Variants in USP1 observed in about 807,000 individuals in gnomAD.
USP1 encodes the protein ubiquitin specific peptidase 1.
In USP1, 18 loss-of-function variants were observed where a neutral mutation model predicts 72.2. The ratio of observed to expected loss-of-function variants is 0.25; its 90% CI spans 0.17 to 0.37. The LOEUF is 0.37. USP1 is among the 10% of genes least tolerant of loss of function. The probability of loss-of-function intolerance (pLI) is 1.00; values close to 1 mark genes in which losing one functional copy is unlikely to be tolerated. For synonymous variants in USP1, 354 were observed against 303.7 expected (o/e 1.17, Z -1.72); for missense variants, 759 against 884.9 (o/e 0.86, Z 1.81).
Position 62,451,068 on chromosome 1 carries a change from C to G in USP1, c.*87C>G. ...TTACATCAAAGAATCTTTAGCTTAT[C>G]TTTTGAAGCTACTGGATATTATTGG... On this transcript the variant is annotated 3_prime_UTR_variant, in exon 9 of 9. Transcript: ENST00000339950. The G allele has an allele frequency of 1.6e-6, 2 of 1,287,880 alleles. No homozygotes were observed. The highest frequency in any genetic ancestry group is 2.1e-6 in the Non-Finnish European group (2 of 956,558). The allele number at this position is 1,287,880 out of a possible 1,614,324, so 79.8% of individuals were successfully genotyped here.
rs199689900 is a variant in USP1, at chr1:62,445,326, G to A, written c.1146G>A (p.Leu382=). The change falls in exon 6 of 9, where the codon TTG becomes TTA. Residue 382 remains leucine, a synonymous_variant. Coordinates refer to ENST00000339950, the MANE Select transcript of USP1 (RefSeq NM_003368.5). ...ATGAATGTGATCCTGAAGAGGACTT[G>A]GGGAAGTGTGAAAGTGATAACACAA... The part of the protein sequence containing the change: ...KENECDPEED[L]GKCESDNTTN... 40 of 1,613,468 alleles carry A rather than the reference G, an allele frequency of 2.5e-5. No individual in the cohort carries two copies. In the East Asian group the frequency reaches 8.0e-4, roughly 32 times the overall value.
At chr1:62,443,806 G>A (rs1645150161) in intron 5 of USP1, among the ~76,000 whole-genome samples, 1 of 152,138 alleles carries the variant, frequency 6.6e-6, no homozygotes, top group Non-Finnish European at 1.5e-5. Flanking sequence ...AGAACTGTTG[G>A]CTAACTGGAT....
Position 62,444,868 on chromosome 1 carries a change from CCTA to C in USP1, c.692_694del (p.Thr231del), listed in dbSNP as rs1557555794. ...AGAAGTAAAAAATGTGGCAGAATTA[CCTA>C]CTAAGGTAGAAGAAATACCTCATCC... On this transcript the variant is annotated inframe_deletion, in exon 6 of 9. Coordinates refer to ENST00000339950, the MANE Select transcript of USP1 (RefSeq NM_003368.5). The C allele has an allele frequency of 6.2e-7, 1 of 1,613,294 alleles. No individual in the cohort carries two copies. The highest frequency in any genetic ancestry group is 8.5e-7 in the Non-Finnish European group (1 of 1,179,744).
rs774615323 is a variant in USP1 at position 62,444,897 on chromosome 1, G to T, written c.717G>T (p.Pro239=). ...CTAAGGTAGAAGAAATACCTCATCC[G>T]AAAGAGGAAATGAATGGTATTAACA... is the stretch of plus-strand genomic sequence containing the variant. ...LPTKVEEIPH[P]KEEMNGINSI... The change falls in exon 6 of 9, where the codon CCG becomes CCT. Residue 239 remains proline (P), a synonymous_variant. Coordinates refer to ENST00000339950, the MANE Select transcript of USP1 (RefSeq NM_003368.5). 6.2e-7 allele frequency: 1 copy of T among 1,613,596 alleles called. No homozygotes were observed.
At position 62,437,130 on chromosome 1, in the gene USP1, G is replaced by GT. The variant is rs1645093928; in HGVS notation, c.-338dup. On this transcript the variant is annotated 5_prime_UTR_variant, in exon 1 of 9. Transcript: ENST00000339950. The stretch of plus-strand genomic sequence containing the variant: ...CGTTCGGCGAGCGGGGCCGCTGCTT[G>GT]TTGCGCTCCTGGCTCTCCCGGGGCG... 7.5e-6 allele frequency: 3 copies of GT among 399,054 alleles called. No individual in the cohort carries two copies. The highest frequency in any genetic ancestry group is 1.3e-5 in the Non-Finnish European group (3 of 226,160). The allele number at this position is 399,054 out of a possible 1,614,324, so 24.7% of individuals were successfully genotyped here.
rs1270184177 is a variant in USP1 at position 62,451,321 on chromosome 1, A to G, written c.*340A>G. The stretch of plus-strand genomic sequence containing the variant: ...AAGTGCTCGTATTTGTATTCTCCAT[A>G]TTTTGGAGTAATTATCTACATGATG... On this transcript the variant is annotated 3_prime_UTR_variant, in exon 9 of 9. Coordinates refer to ENST00000339950, the MANE Select transcript of USP1 (RefSeq NM_003368.5). 5.9e-6 allele frequency: 1 copy of G among 170,690 alleles called. No individual in the cohort carries two copies. The highest frequency in any genetic ancestry group is 1.2e-5 in the Non-Finnish European group (1 of 80,554). 10.6% of individuals were successfully genotyped at this position (170,690 alleles called of 1,614,324 possible). A position where few individuals can be genotyped will look rare whatever the true frequency, so the allele number is the denominator to read the frequency against.
intron 8 of USP1, among the ~76,000 whole-genome samples, chr1:62,449,833 G>A (rs1472209957): frequency 3.3e-5 from 5 of 151,732 alleles, no homozygotes; most frequent in African/African-American, 1.2e-4. Context: ...AGCCTGAGGT[G>A]GGAGGATCAC....
chr1:62,439,114 A>G (rs1178804053), intron 1 of USP1, among the ~76,000 whole-genome samples: 2 of 152,134 alleles, frequency 1.3e-5, no homozygotes, highest in African/African-American at 4.8e-5. Context: ...ATCCTTTCCT[A>G]CCTTGTACTT....
intron 1 of USP1, among the ~76,000 whole-genome samples, chr1:62,439,039 T>C (rs970155471): frequency 4.6e-5 from 7 of 152,204 alleles, no homozygotes; most frequent in African/African-American, 1.7e-4. Flanking sequence ...TATATCCATG[T>C]TAATAACTAG....
chr1:62,450,655 T>G lies in USP1; in HGVS notation c.2032T>G (p.Tyr678Asp). The G allele has an allele frequency of 2.5e-6, 4 of 1,614,088 alleles. No individual in the cohort carries two copies. The highest frequency in any genetic ancestry group is 3.4e-6 in the Non-Finnish European group (4 of 1,180,006). The change falls in exon 9 of 9, where the codon TAT (tyrosine) becomes GAT (aspartate). Residue 678 changes from tyrosine (Y) to aspartate (D), a missense_variant. Coordinates refer to ENST00000339950, the MANE Select transcript of USP1 (RefSeq NM_003368.5). Reference protein sequence around the residue: ...LLGGQKSKADYELYNKASNPD... With the variant: ...LLGGQKSKADDELYNKASNPD... ...TGGAGGACAAAAGAGCAAAGCAGAT[T>G]ATGAGCTATACAACAAAGCCTCTAA...
At chr1:62,448,738 G>GT in intron 8 of USP1, 72 bp downstream of exon 8, 1 of 1,432,888 alleles carries the variant, frequency 7.0e-7, no homozygotes, top group South Asian at 1.2e-5. Flanking sequence ...TCAAAATGCT[G>GT]TAATAGTAGG....
chr1:62,437,981 C>T (rs1465368203), intron 1 of USP1, among the ~76,000 whole-genome samples: 4 of 152,104 alleles, frequency 2.6e-5, no homozygotes, highest in South Asian at 2.1e-4. Flanking sequence ...ATGGTCGATT[C>T]GTCGTGCTTT....
In USP1 at chr1:62,445,277, G is replaced by A; in HGVS notation, c.1097G>A (p.Gly366Glu). 6.2e-7 allele frequency: 1 copy of A among 1,613,438 alleles called. No individual in the cohort carries two copies. Among genetic ancestry groups the A allele is most frequent in the Non-Finnish European group, 8.5e-7 (1 of 1,179,834 alleles). The change falls in exon 6 of 9, where the codon GGA becomes GAA. Residue 366 changes from glycine to glutamate, a missense_variant. Gly to Glu is a moderately conservative substitution (Grantham distance 98). This residue lies in a region of USP1 where 245 missense variants were observed against 240.7 expected (regional missense o/e 1.02). Coordinates refer to ENST00000339950, the MANE Select transcript of USP1 (RefSeq NM_003368.5). ...CTGGGAAAAATAACAACAAACCAAG[G>A]AGTCAAAGGACAATCTAAAGAAAAT... The part of the protein sequence containing the change: ...CSLGKITTNQ[G>E]VKGQSKENEC...
chr1:62,440,363 T>TTATATATATA (rs150171344), intron 2 of USP1, among the ~76,000 whole-genome samples: 1 of 148,670 alleles, frequency 6.7e-6, no homozygotes, highest in Non-Finnish European at 1.5e-5. Context: ...GTAAAAGGTT[T>TTATATATATA]TATATATATA....
chr1:62,449,150 C>T (rs547572249), intron 8 of USP1, among the ~76,000 whole-genome samples: 99 of 152,332 alleles, frequency 6.5e-4, no homozygotes, highest in African/African-American at 2.3e-3. Flanking sequence ...TCACAAAGTG[C>T]TGGGATTACA....
intron 1 of USP1, among the ~76,000 whole-genome samples, chr1:62,438,067 A>G (rs1391000675): frequency 6.6e-6 from 1 of 152,018 alleles, no homozygotes; most frequent in East Asian, 1.9e-4. Flanking sequence ...AGCCAGGAGC[A>G]AGAAATAGCA....
At chr1:62,442,078 T>C in intron 3 of USP1, 117 bp from the exon 4 acceptor site, 1 of 691,170 alleles carries the variant, frequency 1.4e-6, no homozygotes, top group South Asian at 2.2e-5. Flanking sequence ...AAACTTAATC[T>C]CAGAATTTTA....
chr1:62,446,677 A>G (rs1276820458), intron 6 of USP1, among the ~76,000 whole-genome samples: 1 of 152,260 alleles, frequency 6.6e-6, no homozygotes, highest in Non-Finnish European at 1.5e-5. Flanking sequence ...GTCCAGATCT[A>G]CAGATATCAG....
chr1:62,444,679 G>A (rs1449360710), intron 5 of USP1, 59 bp from the exon 6 acceptor site: 2 of 1,261,560 alleles, frequency 1.6e-6, no homozygotes, highest in Non-Finnish European at 2.1e-6. Context: ...TTTCTATATA[G>A]GCTTTATGTA....
Sources: gnomAD v4.1 joint callset for allele counts (sites outside exome capture counted in the v4.1 genomes callset) on GRCh38, gnomAD v4.1.1 for gene constraint, gnomAD v4.1.1 regional missense constraint, MANE v1.5 for transcripts, NCBI Gene and HGNC (gene_info 2026-07-23, HGNC 2026-07-21) for gene names.